The following COTL1 variants were observed in gnomAD, a reference collection of about 807,000 sequenced individuals.
COTL1 encodes the protein coactosin like F-actin binding protein 1, also known as coactosin-like protein.
A neutral mutation model predicts 16.5 loss-of-function variants in COTL1; 15 were observed. The ratio of observed to expected loss-of-function variants is 0.91; its 90% confidence interval spans 0.61 to 1.40. COTL1 has a LOEUF of 1.40. Ranked by LOEUF, COTL1 falls within the 40% of genes most tolerant of loss-of-function variation. COTL1 has a pLI of 0.00. For missense variants in COTL1, 220 were observed against 201.5 expected (o/e 1.09, Z -0.56); for synonymous variants, 112 against 85.3 (o/e 1.31, Z -1.73).
intron 3 of COTL1, among the ~76,000 whole-genome samples, chr16:84,569,984 A>G (rs1390769364): frequency 2.0e-5 from 3 of 152,258 alleles, no homozygotes; most frequent in Non-Finnish European, 4.4e-5. Flanking sequence ...GATTAAGAAA[A>G]ATAAGTTTGA....
At position 84,590,486 on chromosome 16, in the gene COTL1, A is replaced by C; in HGVS notation, c.161-224T>G. ...CAACAGTGCTGCAGGCTTCATGCCC[A>C]TTTCACAGATGGGAAATGGAGATTC... is the stretch of plus-strand genomic sequence containing the variant. On this transcript the variant is annotated intron_variant, in intron 2 of 3. Coordinates refer to ENST00000262428, the MANE Select transcript of COTL1 (RefSeq NM_021149.5). The surrounding 1 kb of genome is among the most constrained non-coding windows in gnomAD (Gnocchi z 5.5). 2.5e-6 allele frequency: 1 copy of C among 404,058 alleles called. No individual in the cohort carries two copies. Among genetic ancestry groups the C allele is most frequent in the Non-Finnish European group, 4.4e-6 (1 of 226,900 alleles). The allele number at this position is 404,058 out of a possible 1,614,324, so 25.0% of individuals were successfully genotyped here.
In COTL1 at chr16:84,588,148, G is replaced by C. The variant is rs921287352; in HGVS notation, c.318+1957C>G. Among the ~76,000 whole-genome samples, 8 of 152,098 alleles carry C rather than the reference G, an allele frequency of 5.3e-5. No homozygotes were observed. In the East Asian group the frequency reaches 1.5e-3, roughly 29 times the overall value. On this transcript the variant is annotated intron_variant, in intron 3 of 3. Transcript: ENST00000262428. ...TATAATCCAAGCACTTTCGGAGGCT[G>C]AGGTGTAGGAATGCTTGAGTCCAGG...
At chr16:84,585,067 C>G (rs372754181) in intron 3 of COTL1, among the ~76,000 whole-genome samples, 2 of 152,192 alleles carry the variant, frequency 1.3e-5, no homozygotes, top group Admixed American at 1.3e-4. Context: ...TTCCAGAATA[C>G]GCCAAAATAG....
intron 3 of COTL1, among the ~76,000 whole-genome samples, chr16:84,585,353 C>CAAAA (rs5818498): frequency 3.1e-5 from 4 of 127,010 alleles, no homozygotes; most frequent in African/African-American, 1.1e-4. Context: ...AGATTGTCTC[C>CAAAA]AAAAAAAAAA....
At chr16:84,574,856 T>C (rs988051109) in intron 3 of COTL1, among the ~76,000 whole-genome samples, 1 of 152,106 alleles carries the variant, frequency 6.6e-6, no homozygotes, top group Non-Finnish European at 1.5e-5. Context: ...TATAGATTCA[T>C]GCCTCAAAGA....
chr16:84,604,159 C>A, intron 2 of COTL1, among the ~76,000 whole-genome samples: 1 of 125,976 alleles, frequency 7.9e-6, no homozygotes, highest in Non-Finnish European at 1.7e-5. Flanking sequence ...CCCCATGGCC[C>A]CCACCTACAC....
At chr16:84,595,698 C>G (rs1484655180) in intron 2 of COTL1, 2 of 152,150 alleles carry the variant, frequency 1.3e-5, no homozygotes, top group Non-Finnish European at 2.9e-5. Flanking sequence ...CAGAGAAACG[C>G]TGTCCTGTAT....
intron 3 of COTL1, chr16:84,575,258 G>C (rs1009400909): frequency 6.6e-6 from 1 of 152,198 alleles, no homozygotes; most frequent in African/African-American, 2.4e-5. Flanking sequence ...GGCTGGTCTT[G>C]AACTCCGGAC....
chr16:84,566,107 CG>C lies in COTL1; in HGVS notation c.*737del, dbSNP rs1904297160. 1 of 152,742 alleles carries C rather than the reference CG, an allele frequency of 6.5e-6. No individual in the cohort carries two copies. The highest frequency in any genetic ancestry group is 1.9e-4 in the East Asian group (1 of 5,200). The allele number at this position is 152,742 out of a possible 1,614,324, so 9.5% of individuals were successfully genotyped here. The stretch of plus-strand genomic sequence containing the variant: ...CCTTCTCTGTGTCACAAGGAAATTT[CG>C]GTCAAGAGGGTGGGAACAGGTGGTT... On this transcript the variant is annotated 3_prime_UTR_variant, in exon 4 of 4. Coordinates refer to ENST00000262428, the MANE Select transcript of COTL1 (RefSeq NM_021149.5).
At chr16:84,568,632 A>C (rs1358974457) in intron 3 of COTL1, 1 of 152,264 alleles carries the variant, frequency 6.6e-6, no homozygotes, top group Non-Finnish European at 1.5e-5. Context: ...TCGTGGTTAC[A>C]CAGAGCTGGA....
intron 3 of COTL1, among the ~76,000 whole-genome samples, chr16:84,586,419 C>G (rs1285053062): frequency 6.6e-6 from 1 of 152,108 alleles, no homozygotes; most frequent in Non-Finnish European, 1.5e-5. Context: ...GAAAAGAGTT[C>G]TAGAGAGGAA....
rs1467114181 is a variant in COTL1 at position 84,590,273 on chromosome 16, A to C, written c.161-11T>G. On this transcript the variant is annotated splice_polypyrimidine_tract_variant and intron_variant, in intron 2 of 3. Coordinates refer to ENST00000262428, the MANE Select transcript of COTL1 (RefSeq NM_021149.5). This position sits in a 1 kb window ranked among gnomAD's most constrained non-coding sequence, Gnocchi z 5.5. ...ACAACCGGACGTCATCTGTGGCCAA[A>C]AGCGAAAAGAGAACATGGTGCTGCG... 20 of 1,612,888 alleles carry C rather than the reference A, an allele frequency of 1.2e-5. No individual in the cohort carries two copies. The highest frequency in any genetic ancestry group is 1.7e-5 in the Non-Finnish European group (20 of 1,179,156).
intron 3 of COTL1, among the ~76,000 whole-genome samples, chr16:84,572,658 C>G (rs558397338): frequency 6.6e-6 from 1 of 152,252 alleles, no homozygotes; most frequent in South Asian, 2.1e-4. Flanking sequence ...GACGTGGTTT[C>G]GTCATGTTGC....
intron 2 of COTL1, among the ~76,000 whole-genome samples, chr16:84,607,632 T>A (rs1190713747): frequency 6.6e-6 from 1 of 151,490 alleles, no homozygotes; most frequent in African/African-American, 2.4e-5. Context: ...ACTGGAGGGG[T>A]CGGCTGGCCA....
At position 84,590,345 on chromosome 16, in the gene COTL1, G is replaced by T; in HGVS notation, c.161-83C>A. On this transcript the variant is annotated intron_variant, in intron 2 of 3. Transcript: ENST00000262428. The surrounding 1 kb of genome is among the most constrained non-coding windows in gnomAD (Gnocchi z 5.5). ...TCCCTGGGGAGAGGCTGTGAGCCAC[G>T]AGTGCGCCTGGAGCAGCACAGCAGG... 14 of 1,518,418 alleles carry T rather than the reference G, an allele frequency of 9.2e-6. No homozygotes were observed. The highest frequency in any genetic ancestry group is 1.3e-5 in the Non-Finnish European group (14 of 1,114,312). 94.1% of individuals were successfully genotyped at this position (1,518,418 alleles called of 1,614,324 possible). A position where few individuals can be genotyped will look rare whatever the true frequency, so the allele number is the denominator to read the frequency against.
intron 3 of COTL1, among the ~76,000 whole-genome samples, chr16:84,586,284 T>C (rs1904731079): frequency 6.6e-6 from 1 of 152,216 alleles, no homozygotes. Flanking sequence ...GCAATTCCTC[T>C]TTGTGCTTCA....
At chr16:84,593,029 C>T (rs183063673) in intron 2 of COTL1, among the ~76,000 whole-genome samples, 6 of 152,240 alleles carry the variant, frequency 3.9e-5, no homozygotes, top group Non-Finnish European at 8.8e-5. Context: ...TTTGTAACAA[C>T]GCTGGGAGGC....
At chr16:84,571,176 A>G (rs1053868726) in intron 3 of COTL1, among the ~76,000 whole-genome samples, 46 of 152,306 alleles carry the variant, frequency 3.0e-4, no homozygotes, top group African/African-American at 1.0e-3. Flanking sequence ...TCTGGCTGAC[A>G]GCTGGTGCAT....
intron 2 of COTL1, among the ~76,000 whole-genome samples, chr16:84,614,183 C>T (rs950907811): frequency 5.9e-5 from 9 of 152,354 alleles, no homozygotes; most frequent in East Asian, 1.9e-4. Context: ...CATTTCTCAC[C>T]GCCCTCGCAA....
Sources: gnomAD v4.1 joint callset for allele counts (sites outside exome capture counted in the v4.1 genomes callset) on GRCh38, gnomAD v4.1.1 for gene constraint, Gnocchi (gnomAD v3.1) non-coding constraint, MANE v1.5 for transcripts, NCBI Gene and HGNC (gene_info 2026-07-23, HGNC 2026-07-21) for gene names.